Variants in ADCY5 observed in about 807,000 individuals in gnomAD.
ADCY5 encodes adenylate cyclase type 5.
Under a neutral mutation model 119.7 loss-of-function variants are expected in ADCY5, and 30 were observed. That is an observed-to-expected ratio of 0.25 (90% confidence interval 0.19 to 0.34). The LOEUF (loss-of-function observed/expected upper bound fraction) is 0.34, where lower values mean the gene tolerates loss of function less well. Ranked by LOEUF, ADCY5 falls within the 10% of genes least tolerant of loss-of-function variation. The probability of loss-of-function intolerance (pLI) is 1.00; values close to 1 mark genes in which losing one functional copy is unlikely to be tolerated. For synonymous variants in ADCY5, 753 were observed against 762.2 expected (o/e 0.99, Z 0.20); for missense variants, 1,324 against 1,775.2 (o/e 0.75, Z 4.57).
chr3:123,416,275 G>A (rs1173354737), intron 1 of ADCY5: 3 of 1,536,074 alleles, frequency 2.0e-6, no homozygotes, highest in Non-Finnish European at 2.6e-6. Context: ...CATTCCTCAG[G>A]ACTTACTTCC....
At chr3:123,435,716 G>A (rs1246294113) in intron 1 of ADCY5, among the ~76,000 whole-genome samples, 1 of 151,890 alleles carries the variant, frequency 6.6e-6, no homozygotes, top group African/African-American at 2.4e-5. Context: ...TTTTTAAGAA[G>A]TAAAAATTCA....
chr3:123,331,104 TG>T lies in ADCY5; in HGVS notation c.1519-89del, dbSNP rs1380669383. 23 of 1,437,292 alleles carry T rather than the reference TG, an allele frequency of 1.6e-5. No homozygotes were observed. In the African/African-American group the frequency reaches 3.0e-4, roughly 19 times the overall value. 89.0% of individuals were successfully genotyped at this position (1,437,292 alleles called of 1,614,324 possible). On this transcript the variant is annotated intron_variant, in intron 4 of 20. Coordinates refer to ENST00000462833, the MANE Select transcript of ADCY5 (RefSeq NM_183357.3). ...ACGAGAAGCAAAAAGATTCACCCCG[TG>T]CCTGGAATAACTTGCCTTTTAGGGC...
intron 14 of ADCY5, among the ~76,000 whole-genome samples, chr3:123,301,245 G>C (rs1455228065): frequency 6.6e-6 from 1 of 152,068 alleles, no homozygotes; most frequent in African/African-American, 2.4e-5. Context: ...TTTACTCTTC[G>C]CACACGGCTT....
At chr3:123,425,651 C>T (rs1364192278) in intron 1 of ADCY5, among the ~76,000 whole-genome samples, 1 of 152,228 alleles carries the variant, frequency 6.6e-6, no homozygotes, top group Non-Finnish European at 1.5e-5. Flanking sequence ...GCTGACCTCG[C>T]CACAGCCTCC....
At chr3:123,313,080 C>T (rs746536582) in intron 12 of ADCY5, among the ~76,000 whole-genome samples, 3 of 152,208 alleles carry the variant, frequency 2.0e-5, no homozygotes, top group Admixed American at 6.5e-5. Flanking sequence ...GGATGGAGCA[C>T]GCGGCTCAGC....
chr3:123,340,305 T>TA (rs1177195077), intron 3 of ADCY5, among the ~76,000 whole-genome samples: 1 of 152,070 alleles, frequency 6.6e-6, no homozygotes, highest in Non-Finnish European at 1.5e-5. Flanking sequence ...AAAAGTAGAA[T>TA]AAAAAAGAAA....
At chr3:123,391,435 T>C (rs1237444730) in intron 1 of ADCY5, among the ~76,000 whole-genome samples, 2 of 152,014 alleles carry the variant, frequency 1.3e-5, no homozygotes, top group Non-Finnish European at 2.9e-5. Flanking sequence ...AAAGAGAAGC[T>C]ATAAATTACT....
intron 3 of ADCY5, among the ~76,000 whole-genome samples, chr3:123,347,257 T>A (rs1406731101): frequency 6.6e-6 from 1 of 152,220 alleles, no homozygotes. Flanking sequence ...AGAGTATACA[T>A]GAAGTAAATA....
At chr3:123,297,517 T>G in intron 15 of ADCY5, 135 bp from the exon 16 acceptor site, 1 of 993,034 alleles carries the variant, frequency 1.0e-6, no homozygotes, top group South Asian at 1.3e-5. Context: ...CCATTCACCC[T>G]CCATATCCAA....
chr3:123,334,740 A>G (rs558655922), intron 3 of ADCY5, among the ~76,000 whole-genome samples: 3 of 152,212 alleles, frequency 2.0e-5, no homozygotes, highest in Non-Finnish European at 4.4e-5. Context: ...TGTCTCAAAT[A>G]ATAATGAATA....
At chr3:123,296,328 C>T in intron 16 of ADCY5, 112 bp from the exon 17 acceptor site, 2 of 1,235,342 alleles carry the variant, frequency 1.6e-6, no homozygotes, top group Non-Finnish European at 1.1e-6. Flanking sequence ...ACTATACCTT[C>T]CCCTCTTCCT....
chr3:123,444,390 A>C (rs1945776865), intron 1 of ADCY5, among the ~76,000 whole-genome samples: 1 of 152,164 alleles, frequency 6.6e-6, no homozygotes, highest in African/African-American at 2.4e-5. Context: ...GTGGGCAGAC[A>C]GTAACAGGGA....
chr3:123,314,542 G>A (rs948533701), intron 11 of ADCY5, among the ~76,000 whole-genome samples: 15 of 152,330 alleles, frequency 9.8e-5, no homozygotes, highest in African/African-American at 3.6e-4. Context: ...GGGCTTACAC[G>A]GCCTTGCAGG....
At chr3:123,343,152 G>A (rs1246158679) in intron 3 of ADCY5, among the ~76,000 whole-genome samples, 26 of 152,212 alleles carry the variant, frequency 1.7e-4, no homozygotes, top group Admixed American at 1.7e-3. Flanking sequence ...ACAAGAATGT[G>A]ATAAACTCAG....
intron 1 of ADCY5, among the ~76,000 whole-genome samples, chr3:123,396,278 A>C (rs1174903084): frequency 6.7e-6 from 1 of 148,210 alleles, no homozygotes; most frequent in African/African-American, 2.5e-5. Flanking sequence ...AGAGAAAGAG[A>C]GAGAGGGAAA....
At chr3:123,300,377 C>T in intron 14 of ADCY5, 82 bp from the exon 15 acceptor site, 3 of 1,486,832 alleles carry the variant, frequency 2.0e-6, no homozygotes, top group African/African-American at 1.4e-5. Flanking sequence ...CCAGTCTGAG[C>T]TGGCTCAAGT....
At chr3:123,438,068 T>C (rs1339787691) in intron 1 of ADCY5, among the ~76,000 whole-genome samples, 1 of 152,132 alleles carries the variant, frequency 6.6e-6, no homozygotes, top group African/African-American at 2.4e-5. Flanking sequence ...CCCATCTAGA[T>C]GCCTTCGGAT....
chr3:123,396,779 A>AAGGAAGGAAGGC (rs1944594725), intron 1 of ADCY5, among the ~76,000 whole-genome samples: 2 of 69,986 alleles, frequency 2.9e-5, no homozygotes, highest in African/African-American at 1.2e-4. Flanking sequence ...GGAAGGAAGG[A>AAGGAAGGAAGGC]AGGCAGGCAG....
At chr3:123,398,097 C>G (rs1944654618) in intron 1 of ADCY5, among the ~76,000 whole-genome samples, 1 of 152,208 alleles carries the variant, frequency 6.6e-6, no homozygotes, top group Non-Finnish European at 1.5e-5. Flanking sequence ...CCTGCAGCAC[C>G]AAAGCAACCA....
Sources: gnomAD v4.1 joint callset for allele counts (sites outside exome capture counted in the v4.1 genomes callset) on GRCh38, gnomAD v4.1.1 for gene constraint, MANE v1.5 for transcripts, NCBI Gene and HGNC (gene_info 2026-07-23, HGNC 2026-07-21) for gene names.